The following IGSF3 variants were observed in gnomAD, a reference collection of about 807,000 sequenced individuals.
IGSF3 encodes glu-Trp-Ile EWI motif-containing protein 3.
Under a neutral mutation model 114.4 loss-of-function variants are expected in IGSF3, and 23 were observed. The observed-to-expected ratio is 0.20, with a 90% CI of 0.14 to 0.28. IGSF3 has a LOEUF of 0.28. Ranked by LOEUF, IGSF3 falls within the 10% of genes least tolerant of loss-of-function variation. The probability of loss-of-function intolerance (pLI) is 1.00; values close to 1 mark genes in which losing one functional copy is unlikely to be tolerated. For missense variants in IGSF3, 1,172 were observed against 1,591.5 expected, an observed-to-expected ratio of 0.74 and a Z score of 4.48; for synonymous variants, 571 against 645.2, an observed-to-expected ratio of 0.88 and a Z score of 1.74.
In IGSF3 at chr1:116,652,516, G is replaced by A. The variant is rs531129737; in HGVS notation, c.43+13768C>T. 2.6e-5 allele frequency among the ~76,000 whole-genome samples: 4 copies of A among 152,316 alleles called. No homozygotes were observed. In the East Asian group the frequency reaches 7.7e-4, roughly 29 times the overall value. ...GAGAAAGTATCAAAAGCTTCACTTA[G>A]AGTAACAGTCACCAAATTCTTTTGC... On this transcript the variant is annotated intron_variant, in intron 2 of 10. Transcript: ENST00000369486.
At chr1:116,581,192 G>A (rs1557854248) in intron 9 of IGSF3, among the ~76,000 whole-genome samples, 1 of 152,122 alleles carries the variant, frequency 6.6e-6, no homozygotes, top group Non-Finnish European at 1.5e-5. Flanking sequence ...GAGCACAGAT[G>A]TCTCAGGAGG....
At position 116,584,911 on chromosome 1, in the gene IGSF3, T is replaced by C. The variant is rs777455675; in HGVS notation, c.2582A>G (p.His861Arg). 1.2e-6 allele frequency: 2 copies of C among 1,613,866 alleles called. No homozygotes were observed. The highest frequency in any genetic ancestry group is 1.7e-6 in the Non-Finnish European group (2 of 1,179,946). Reference sequence around the variant, plus strand: ...GCGGGCCACAGTCTCCCGCTCAGGGTGGTTGGGCTTCCATACAAACCATTC... The same window carrying C: ...GCGGGCCACAGTCTCCCGCTCAGGGCGGTTGGGCTTCCATACAAACCATTC... ...MVEWFVWKPN[H>R]PERETVARLS... Residue 861 changes from histidine to arginine, a missense_variant, in exon 9 of 11, where the codon CAC becomes CGC. Transcript: ENST00000369486. The surrounding 1 kb of genome is among the most constrained non-coding windows in gnomAD (Gnocchi z 5.8).
At chr1:116,656,758 T>C (rs2101079088) in intron 2 of IGSF3, among the ~76,000 whole-genome samples, 1 of 152,046 alleles carries the variant, frequency 6.6e-6, no homozygotes, top group African/African-American at 2.4e-5. Context: ...TGAAACCCCA[T>C]CTCTACTAAA....
intron 2 of IGSF3, among the ~76,000 whole-genome samples, chr1:116,619,933 G>A (rs1661359190): frequency 1.3e-5 from 2 of 152,088 alleles, no homozygotes; most frequent in Non-Finnish European, 2.9e-5. Context: ...AGGATGGCAA[G>A]TGATTTTTAT....
rs1290676427 is a variant in IGSF3 at position 116,582,481 on chromosome 1, T to C, written c.2848+2164A>G. On this transcript the variant is annotated intron_variant, in intron 9 of 10. Coordinates refer to ENST00000369486, the MANE Select transcript of IGSF3 (RefSeq NM_001007237.3). This position sits in a 1 kb window ranked among gnomAD's most constrained non-coding sequence, Gnocchi z 4.7. ...GTGAGGATGGGAGCCCTTCATTCCA[T>C]GTATTTCAGATTATTGTGAATGTCA... 1.3e-5 allele frequency among the ~76,000 whole-genome samples: 2 copies of C among 152,242 alleles called. No homozygotes were observed. The highest frequency in any genetic ancestry group is 2.4e-5 in the African/African-American group (1 of 41,460).
rs770278014 is a variant in IGSF3 at position 116,596,657 on chromosome 1, C to T, written c.2029+3284G>A. Reference sequence around the variant, plus strand: ...AAACATTAAATACAAGTATACAGTACCAAAGAGGATTCCTGAGAAGAAAAA... The same window carrying T: ...AAACATTAAATACAAGTATACAGTATCAAAGAGGATTCCTGAGAAGAAAAA... On this transcript the variant is annotated intron_variant, in intron 7 of 10. Transcript: ENST00000369486. This position sits in a 1 kb window ranked among gnomAD's most constrained non-coding sequence, Gnocchi z 4.1. 6.6e-6 allele frequency among the ~76,000 whole-genome samples: 1 copy of T among 152,128 alleles called. No individual in the cohort carries two copies. The highest frequency in any genetic ancestry group is 1.5e-5 in the Non-Finnish European group (1 of 68,028).
chr1:116,597,039 A>C (rs1160709928), intron 7 of IGSF3, among the ~76,000 whole-genome samples: 3 of 152,250 alleles, frequency 2.0e-5, no homozygotes, highest in Non-Finnish European at 4.4e-5. Context: ...CTGAAAGAAT[A>C]ATCTCTGATT....
intron 2 of IGSF3, among the ~76,000 whole-genome samples, chr1:116,660,707 G>T (rs1293648282): frequency 2.0e-5 from 3 of 152,132 alleles, no homozygotes. Flanking sequence ...CTCCCAAAGT[G>T]CTGGGATTAC....
At position 116,608,131 on chromosome 1, in the gene IGSF3, C is replaced by T. The variant is rs755466095; in HGVS notation, c.1033G>A (p.Ala345Thr). The T allele has an allele frequency of 1.2e-6, 2 of 1,613,980 alleles. No individual in the cohort carries two copies. Among genetic ancestry groups the T allele is most frequent in the East Asian group, 4.5e-5 (2 of 44,888 alleles). ...TTGGCCACCTTAAGCTGTCCCCTGG[C>T]TTCCCGGTGAGCAAATTCGCTGTTG... Reference protein sequence around the residue: ...VLNSEFAHREARGQLKVAKES... With the variant: ...VLNSEFAHRETRGQLKVAKES... The change falls in exon 5 of 11, where the codon GCC (alanine) becomes ACC (threonine). Residue 345 changes from alanine (A) to threonine (T), a missense_variant. Around this residue, in one of 3 missense-constraint regions of IGSF3, gnomAD observed 736 missense variants for 1,042.0 expected, o/e 0.71. Coordinates refer to ENST00000369486, the MANE Select transcript of IGSF3 (RefSeq NM_001007237.3).
rs1649344377 is a variant in IGSF3 at position 116,666,589 on chromosome 1, C to A, written c.-263G>T. On this transcript the variant is annotated 5_prime_UTR_variant, in exon 2 of 11. Coordinates refer to ENST00000369486, the MANE Select transcript of IGSF3 (RefSeq NM_001007237.3). The stretch of plus-strand genomic sequence containing the variant: ...AAGTCGCTCCCGGCTCCTGCCACAT[C>A]GTGTGCCTTGCAGTTTCCACTGAAA... 3.3e-6 allele frequency: 2 copies of A among 598,786 alleles called. No homozygotes were observed. The highest frequency in any genetic ancestry group is 5.9e-6 in the Non-Finnish European group (2 of 337,226). The allele number at this position is 598,786 out of a possible 1,614,324, so 37.1% of individuals were successfully genotyped here.
In IGSF3 at chr1:116,657,857, G is replaced by A. The variant is rs1648929770; in HGVS notation, c.43+8427C>T. 6.6e-6 allele frequency among the ~76,000 whole-genome samples: 1 copy of A among 152,116 alleles called. No homozygotes were observed. Reference sequence around the variant, plus strand: ...CAAAAATAGCACCAACTTAAGGCAAGCCTGGGCAAACTGCACTACATCAAA... The same window carrying A: ...CAAAAATAGCACCAACTTAAGGCAAACCTGGGCAAACTGCACTACATCAAA... On this transcript the variant is annotated intron_variant, in intron 2 of 10. Transcript: ENST00000369486. This position sits in a 1 kb window ranked among gnomAD's most constrained non-coding sequence, Gnocchi z 4.2.
intron 2 of IGSF3, among the ~76,000 whole-genome samples, chr1:116,646,149 G>A (rs1648359965): frequency 6.6e-6 from 1 of 152,196 alleles, no homozygotes; most frequent in Non-Finnish European, 1.5e-5. Context: ...ACAGAGTGGG[G>A]CCGGAGACAG....
rs952449505 is a variant in IGSF3, at chr1:116,645,294, T to C, written c.43+20990A>G. On this transcript the variant is annotated intron_variant, in intron 2 of 10. Coordinates refer to ENST00000369486, the MANE Select transcript of IGSF3 (RefSeq NM_001007237.3). ...GTAGGATGCCATGTGCATCACATTC[T>C]GTACAGTGCAAAACTGTAGTGGCAG... Among the ~76,000 whole-genome samples, 5 of 152,342 alleles carry C rather than the reference T, an allele frequency of 3.3e-5. No homozygotes were observed. The East Asian group carries it at 5.8e-4, about 18-fold the overall frequency.
At position 116,627,496 on chromosome 1, in the gene IGSF3, A is replaced by G. The variant is rs1201243114; in HGVS notation, c.44-11039T>C. 1.3e-5 allele frequency among the ~76,000 whole-genome samples: 2 copies of G among 151,912 alleles called. No homozygotes were observed. Among genetic ancestry groups the G allele is most frequent in the Admixed American group, 6.5e-5 (1 of 15,268 alleles). On this transcript the variant is annotated intron_variant, in intron 2 of 10. Transcript: ENST00000369486. This position sits in a 1 kb window ranked among gnomAD's most constrained non-coding sequence, Gnocchi z 4.7. ...TCCTGCCACACTCAGCACTGCCTGC[A>G]CCTCCTCCTGGAGCTGGCAGGGCCC...
chr1:116,658,332 G>A (rs1214193617), intron 2 of IGSF3, among the ~76,000 whole-genome samples: 3 of 152,158 alleles, frequency 2.0e-5, no homozygotes, highest in South Asian at 2.1e-4. Flanking sequence ...GAGCCACCAC[G>A]CCTGGCCTGA....
At position 116,579,399 on chromosome 1, in the gene IGSF3, T is replaced by C. The variant is rs1418830151; in HGVS notation, c.3327A>G (p.Leu1109=). ...TGTACTTGGGAAACTCACTTGTATC[T>C]AGAACACGGATGCCGATGGGGGCTG... ...EESAPIGIRV[L]DTSPTLQSII... Residue 1109 remains leucine (L), a synonymous_variant, in exon 10 of 11, where the codon CTA becomes CTG. Transcript: ENST00000369486. The surrounding 1 kb of genome is among the most constrained non-coding windows in gnomAD (Gnocchi z 6.4). 5.7e-6 allele frequency: 9 copies of C among 1,566,182 alleles called. No individual in the cohort carries two copies. The South Asian group carries it at 7.2e-5, about 13-fold the overall frequency.
At chr1:116,581,949 T>C (rs1659619619) in intron 9 of IGSF3, among the ~76,000 whole-genome samples, 1 of 151,952 alleles carries the variant, frequency 6.6e-6, no homozygotes, top group Non-Finnish European at 1.5e-5. Context: ...TCAAGGGAGG[T>C]GGCCCTGGGC....
In IGSF3 at chr1:116,616,052, T is replaced by G. The variant is rs760551536; in HGVS notation, c.421+28A>C. The G allele has an allele frequency of 1.9e-6, 3 of 1,574,270 alleles. No homozygotes were observed. In the African/African-American group the frequency reaches 4.0e-5, roughly 21 times the overall value. On this transcript the variant is annotated intron_variant, in intron 3 of 10. Coordinates refer to ENST00000369486, the MANE Select transcript of IGSF3 (RefSeq NM_001007237.3). This position sits in a 1 kb window ranked among gnomAD's most constrained non-coding sequence, Gnocchi z 6.6. Reference sequence around the variant, plus strand: ...TAAAGAACTGAGTCAGGCCAGACGCTGGCAACGTGAAGACAGCTTCTCCTT... The same window carrying G: ...TAAAGAACTGAGTCAGGCCAGACGCGGGCAACGTGAAGACAGCTTCTCCTT...
chr1:116,652,479 C>A (rs777952559), intron 2 of IGSF3, among the ~76,000 whole-genome samples: 1 of 152,138 alleles, frequency 6.6e-6, no homozygotes, highest in African/African-American at 2.4e-5. Context: ...AGAGGTTGAA[C>A]CATTATATTA....
Sources: gnomAD v4.1 joint callset for allele counts (sites outside exome capture counted in the v4.1 genomes callset) on GRCh38, gnomAD v4.1.1 for gene constraint, gnomAD v4.1.1 regional missense constraint, Gnocchi (gnomAD v3.1) non-coding constraint, MANE v1.5 for transcripts, NCBI Gene and HGNC (gene_info 2026-07-23, HGNC 2026-07-21) for gene names.